The following UBE4A variants were observed in gnomAD, a reference collection of about 807,000 sequenced individuals.
The protein encoded by UBE4A is ubiquitin conjugation factor E4 A.
Under a neutral mutation model 117.9 loss-of-function variants are expected in UBE4A, and 48 were observed. That is an observed-to-expected ratio of 0.41 (90% confidence interval 0.32 to 0.52). UBE4A has a LOEUF of 0.52. UBE4A is among the 20% of genes least tolerant of loss of function. UBE4A has a pLI of 0.33. For missense variants in UBE4A, 1,067 were observed against 1,296.3 expected, an observed-to-expected ratio of 0.82 and a Z score of 2.72; for synonymous variants, 407 against 450.0, an observed-to-expected ratio of 0.90 and a Z score of 1.21.
chr11:118,386,940 G>A (rs2134107139), intron 16 of UBE4A, among the ~76,000 whole-genome samples: 1 of 152,252 alleles, frequency 6.6e-6, no homozygotes, highest in East Asian at 1.9e-4. Context: ...AAATACGCTT[G>A]AATCCTGGTT....
intron 2 of UBE4A, among the ~76,000 whole-genome samples, chr11:118,367,404 TG>T (rs997894860): frequency 1.5e-4 from 23 of 151,936 alleles, no homozygotes; most frequent in Non-Finnish European, 7.4e-5. Flanking sequence ...ACCATTAAAT[TG>T]TTTTTTTACC....
At chr11:118,372,380 G>A in intron 5 of UBE4A, 127 bp from the exon 6 acceptor site, 1 of 946,858 alleles carries the variant, frequency 1.1e-6, no homozygotes, top group Non-Finnish European at 1.5e-6. Context: ...GCCAAGGAAG[G>A]AATCTCTAAT....
At chr11:118,378,713 G>A (rs1591300699) in intron 10 of UBE4A, 1 of 152,182 alleles carries the variant, frequency 6.6e-6, no homozygotes, top group African/African-American at 2.4e-5. Flanking sequence ...TTCAGCATGT[G>A]CTTAAGCTGC....
At chr11:118,379,333 A>G in intron 10 of UBE4A, 113 bp from the exon 11 acceptor site, 1 of 1,216,012 alleles carries the variant, frequency 8.2e-7, no homozygotes, top group South Asian at 1.4e-5. Context: ...GTGTCATTGC[A>G]ACTGCAACTC....
At chr11:118,396,271 A>G in intron 19 of UBE4A, 43 bp from the exon 20 acceptor site, 1 of 1,587,050 alleles carries the variant, frequency 6.3e-7, no homozygotes, top group Non-Finnish European at 8.5e-7. Context: ...GAATGTTAGA[A>G]CTTATGGAAA....
chr11:118,370,575 C>A (rs1345090663), intron 4 of UBE4A, among the ~76,000 whole-genome samples: 2 of 151,462 alleles, frequency 1.3e-5, no homozygotes, highest in African/African-American at 4.9e-5. Flanking sequence ...GAGCCATAGT[C>A]ACACGACTGC....
At chr11:118,368,057 A>G (rs889059079) in intron 2 of UBE4A, among the ~76,000 whole-genome samples, 3 of 152,210 alleles carry the variant, frequency 2.0e-5, no homozygotes, top group African/African-American at 7.2e-5. Flanking sequence ...TAAATGGCCT[A>G]ACAGGGAAAG....
chr11:118,398,819 T>C lies in UBE4A; in HGVS notation c.*2379T>C, dbSNP rs1319507576. The C allele has an allele frequency of 5.6e-6, 1 of 179,168 alleles. No individual in the cohort carries two copies. Among genetic ancestry groups the C allele is most frequent in the Non-Finnish European group, 1.2e-5 (1 of 82,132 alleles). 11.1% of individuals were successfully genotyped at this position (179,168 alleles called of 1,614,324 possible). The stretch of plus-strand genomic sequence containing the variant: ...TTTTGTTTTTTAATATACTTTTTAA[T>C]GGATATGTGAAAACTGAAGGAAATG... On this transcript the variant is annotated 3_prime_UTR_variant, in exon 20 of 20. Coordinates refer to ENST00000252108, the MANE Select transcript of UBE4A (RefSeq NM_001204077.2).
At chr11:118,375,319 C>T in intron 9 of UBE4A, 90 bp downstream of exon 9, 1 of 1,265,906 alleles carries the variant, frequency 7.9e-7, no homozygotes, top group Non-Finnish European at 1.0e-6. Context: ...CACAGAGTTC[C>T]TTTCTCAAAA....
intron 16 of UBE4A, among the ~76,000 whole-genome samples, chr11:118,387,594 T>C (rs1156404963): frequency 6.6e-6 from 1 of 152,128 alleles, no homozygotes; most frequent in Non-Finnish European, 1.5e-5. Flanking sequence ...AGCCTCTAAA[T>C]TGAAAGGGCT....
At chr11:118,394,262 C>A (rs933365748) in intron 19 of UBE4A, among the ~76,000 whole-genome samples, 6 of 152,078 alleles carry the variant, frequency 3.9e-5, no homozygotes, top group Non-Finnish European at 7.4e-5. Flanking sequence ...CTCAAGCAAC[C>A]CTCCCATCTC....
intron 15 of UBE4A, 98 bp from the exon 16 acceptor site, chr11:118,386,340 C>A: frequency 1.5e-6 from 2 of 1,364,908 alleles, no homozygotes; most frequent in Non-Finnish European, 2.0e-6. Flanking sequence ...CTCGTTTTCC[C>A]AGCTTAGTTG....
intron 3 of UBE4A, 25 bp from the exon 4 acceptor site, chr11:118,369,398 C>T (rs1785228747): frequency 1.3e-6 from 2 of 1,553,002 alleles, no homozygotes; most frequent in African/African-American, 2.7e-5. Context: ...TATCCTTAAC[C>T]TATCATATTA....
Position 118,368,669 on chromosome 11 carries a change from G to T in UBE4A, c.160G>T (p.Val54Leu), listed in dbSNP as rs770887713. ...PASPDDSDNS[V>L]SESLDEFDYS... The stretch of plus-strand genomic sequence containing the variant: ...TAGCCCAGATGACTCGGATAATAGC[G>T]TGTCAGAGAGCCTGGATGAATTCGA... Residue 54 changes from valine (V) to leucine (L), a missense_variant, in exon 3 of 20, where the codon GTG (valine) becomes TTG (leucine). Val to Leu is a conservative substitution (Grantham distance 32). Around this residue, in one of 3 missense-constraint regions of UBE4A, gnomAD observed 1,001 missense variants for 1,184.0 expected, o/e 0.85. Transcript: ENST00000252108. 1.2e-6 allele frequency: 2 copies of T among 1,614,184 alleles called. No homozygotes were observed. Among genetic ancestry groups the T allele is most frequent in the African/African-American group, 2.7e-5 (2 of 75,044 alleles).
chr11:118,398,991 G>A lies in UBE4A; in HGVS notation c.*2551G>A, dbSNP rs1384792471. 6 of 453,748 alleles carry A rather than the reference G, an allele frequency of 1.3e-5. No homozygotes were observed. The highest frequency in any genetic ancestry group is 2.7e-5 in the Non-Finnish European group (6 of 225,408). The allele number at this position is 453,748 out of a possible 1,614,324, so 28.1% of individuals were successfully genotyped here. On this transcript the variant is annotated 3_prime_UTR_variant, in exon 20 of 20. Transcript: ENST00000252108. ...TACTGGGTGCCTTTACATGCCAGAG[G>A]CTGATGCTGCACTGTTGATGTCATG...
chr11:118,384,274 C>T (rs782223317), intron 13 of UBE4A, among the ~76,000 whole-genome samples: 35 of 152,144 alleles, frequency 2.3e-4, no homozygotes, highest in Non-Finnish European at 4.6e-4. Context: ...CTTAGTGTCC[C>T]GTCCTGCACA....
chr11:118,389,587 T>C, intron 16 of UBE4A, 138 bp from the exon 17 acceptor site: 1 of 871,876 alleles, frequency 1.1e-6, no homozygotes, highest in Non-Finnish European at 1.6e-6. Flanking sequence ...AATTACTTAG[T>C]TTTTTAAAAA....
chr11:118,371,006 C>G (rs1236333295), intron 4 of UBE4A, among the ~76,000 whole-genome samples: 1 of 152,188 alleles, frequency 6.6e-6, no homozygotes, highest in Non-Finnish European at 1.5e-5. Context: ...ACATGGAGAT[C>G]AAATTTCAAC....
intron 15 of UBE4A, among the ~76,000 whole-genome samples, chr11:118,385,852 C>T (rs1260310093): frequency 1.3e-5 from 2 of 152,180 alleles, no homozygotes; most frequent in African/African-American, 4.8e-5. Flanking sequence ...AGAATAGGTC[C>T]TGTTACAAAC....
Sources: allele counts gnomAD v4.1 joint callset (sites outside exome capture counted in the v4.1 genomes callset), GRCh38; gene constraint gnomAD v4.1.1; regional missense constraint gnomAD v4.1.1; transcripts MANE v1.5; gene names NCBI Gene and HGNC (gene_info 2026-07-23, HGNC 2026-07-21).